The following ZCCHC7 variants were observed in gnomAD, a reference collection of about 807,000 sequenced individuals.
ZCCHC7 encodes zinc finger CCHC-type containing 7, also known as zinc finger CCHC domain-containing protein 7.
Under a neutral mutation model 52.0 loss-of-function variants are expected in ZCCHC7, and 35 were observed. The observed-to-expected ratio is 0.67, with a 90% confidence interval of 0.51 to 0.89. The LOEUF (loss-of-function observed/expected upper bound fraction) is 0.89, where lower values mean the gene tolerates loss of function less well. Among genes scored for constraint, ZCCHC7 ranks in the 40% least tolerant of loss-of-function variants. The pLI, the probability that ZCCHC7 is intolerant of heterozygous loss-of-function variation, is 0.00. For synonymous variants in ZCCHC7, 217 were observed against 221.5 expected (o/e 0.98, Z 0.18); for missense variants, 574 against 649.1 (o/e 0.88, Z 1.26).
chr9:37,176,185 T>G (rs1020871412), intron 2 of ZCCHC7, among the ~76,000 whole-genome samples: 1 of 152,142 alleles, frequency 6.6e-6, no homozygotes, highest in Non-Finnish European at 1.5e-5. Flanking sequence ...GCCATTCTCC[T>G]GCCTCAGCCT....
chr9:37,229,742 A>G (rs1346460103), intron 2 of ZCCHC7, among the ~76,000 whole-genome samples: 1 of 152,198 alleles, frequency 6.6e-6, no homozygotes, highest in Non-Finnish European at 1.5e-5. Context: ...GCTACACTAA[A>G]TTTATTAACT....
At chr9:37,280,013 TC>T (rs1016488661) in intron 2 of ZCCHC7, among the ~76,000 whole-genome samples, 14 of 151,970 alleles carry the variant, frequency 9.2e-5, no homozygotes, top group Admixed American at 7.2e-4. Context: ...AATTAGCCGG[TC>T]CTGGCGTCAG....
intron 5 of ZCCHC7, among the ~76,000 whole-genome samples, chr9:37,322,733 C>T (rs968505214): frequency 4.0e-5 from 6 of 150,206 alleles, no homozygotes; most frequent in Middle Eastern, 3.4e-3. Context: ...CTAATAAAAT[C>T]TGTATTTTAT....
At chr9:37,122,979 G>A (rs142982046) in intron 1 of ZCCHC7, among the ~76,000 whole-genome samples, 44 of 152,358 alleles carry the variant, frequency 2.9e-4, no homozygotes, top group African/African-American at 1.0e-3. Flanking sequence ...TTAGTAAACA[G>A]TTGGCTGAGA....
chr9:37,181,497 C>T (rs1822351741), intron 2 of ZCCHC7, among the ~76,000 whole-genome samples: 1 of 152,102 alleles, frequency 6.6e-6, no homozygotes, highest in African/African-American at 2.4e-5. Flanking sequence ...AATTGACATA[C>T]AAAATGTGGT....
At chr9:37,181,910 T>G (rs1822377500) in intron 2 of ZCCHC7, among the ~76,000 whole-genome samples, 1 of 152,178 alleles carries the variant, frequency 6.6e-6, no homozygotes, top group African/African-American at 2.4e-5. Flanking sequence ...GTCTTAAACT[T>G]CTGGGCTCAA....
At chr9:37,356,687 A>T in intron 8 of ZCCHC7, 148 bp from the exon 9 acceptor site, 1 of 661,036 alleles carries the variant, frequency 1.5e-6, no homozygotes, top group Non-Finnish European at 2.4e-6. Flanking sequence ...ACTTGGAGCT[A>T]CAACTATTTA....
At chr9:37,186,305 C>T (rs1213843629) in intron 2 of ZCCHC7, among the ~76,000 whole-genome samples, 4 of 152,116 alleles carry the variant, frequency 2.6e-5, no homozygotes, top group African/African-American at 9.7e-5. Flanking sequence ...AGAGGTTAAT[C>T]CACTTCTAAG....
At chr9:37,160,634 C>G (rs1374345378) in intron 2 of ZCCHC7, among the ~76,000 whole-genome samples, 2 of 152,156 alleles carry the variant, frequency 1.3e-5, no homozygotes, top group Non-Finnish European at 2.9e-5. Context: ...CGCCTATAAT[C>G]CCAGCACTTT....
At chr9:37,181,906 A>C (rs1393252619) in intron 2 of ZCCHC7, among the ~76,000 whole-genome samples, 1 of 152,174 alleles carries the variant, frequency 6.6e-6, no homozygotes, top group Non-Finnish European at 1.5e-5. Flanking sequence ...GCTGGTCTTA[A>C]ACTTCTGGGC....
At chr9:37,249,828 C>T (rs1826241141) in intron 2 of ZCCHC7, among the ~76,000 whole-genome samples, 2 of 152,126 alleles carry the variant, frequency 1.3e-5, no homozygotes, top group South Asian at 4.1e-4. Context: ...TCAAGCACTG[C>T]TTTGTTTCTC....
At position 37,265,745 on chromosome 9, in the gene ZCCHC7, A is replaced by G. The variant is rs79848683; in HGVS notation, c.611-36443A>G. On this transcript the variant is annotated intron_variant, in intron 2 of 8. Transcript: ENST00000336755. The stretch of plus-strand genomic sequence containing the variant: ...CATGGCTTTCTGTTTTCCAGCGACC[A>G]TTTTCCTTTTTCAAAGGTATCCTAT... Among the ~76,000 whole-genome samples the G allele has an allele frequency of 6.6e-5, 10 of 151,972 alleles. No individual in the cohort carries two copies. The South Asian group carries it at 2.1e-3, about 32-fold the overall frequency.
intron 2 of ZCCHC7, among the ~76,000 whole-genome samples, chr9:37,241,965 C>T (rs746370776): frequency 2.0e-5 from 3 of 151,696 alleles, no homozygotes; most frequent in Non-Finnish European, 3.0e-5. Flanking sequence ...AAACATTGCA[C>T]CATTTTTTTC....
intron 5 of ZCCHC7, among the ~76,000 whole-genome samples, chr9:37,310,651 A>G (rs773326479): frequency 1.3e-5 from 2 of 152,210 alleles, no homozygotes; most frequent in African/African-American, 2.4e-5. Context: ...TTGGCAATCA[A>G]GGAATCATCA....
intron 6 of ZCCHC7, among the ~76,000 whole-genome samples, chr9:37,345,491 G>C (rs1260101942): frequency 2.0e-5 from 3 of 152,194 alleles, no homozygotes; most frequent in Non-Finnish European, 2.9e-5. Context: ...ATTTGGGGAG[G>C]CTGAGGCAGG....
At chr9:37,130,435 C>T (rs1331233999) in intron 2 of ZCCHC7, among the ~76,000 whole-genome samples, 3 of 146,416 alleles carry the variant, frequency 2.0e-5, no homozygotes, top group Admixed American at 6.9e-5. Context: ...GTGGTCCTCC[C>T]GCCTTAGCCT....
chr9:37,268,035 A>C (rs1286520813), intron 2 of ZCCHC7, among the ~76,000 whole-genome samples: 2 of 152,112 alleles, frequency 1.3e-5, no homozygotes, highest in Non-Finnish European at 2.9e-5. Context: ...TGATCACATC[A>C]ACCCAAGATT....
At chr9:37,145,168 A>G (rs1843384338) in intron 2 of ZCCHC7, among the ~76,000 whole-genome samples, 1 of 151,966 alleles carries the variant, frequency 6.6e-6, no homozygotes, top group Admixed American at 6.6e-5. Flanking sequence ...TGAATGGGCT[A>G]AAGGGAAGTT....
At chr9:37,332,598 A>G (rs1564260134) in intron 6 of ZCCHC7, among the ~76,000 whole-genome samples, 1 of 151,398 alleles carries the variant, frequency 6.6e-6, no homozygotes, top group Admixed American at 6.6e-5. Context: ...TAATTACTAC[A>G]TTTACAGAGT....
Sources: gnomAD v4.1 joint callset for allele counts (sites outside exome capture counted in the v4.1 genomes callset) on GRCh38, gnomAD v4.1.1 for gene constraint, MANE v1.5 for transcripts, NCBI Gene and HGNC (gene_info 2026-07-23, HGNC 2026-07-21) for gene names.